Variants in PLXNA4 observed in about 807,000 individuals in gnomAD.
PLXNA4 encodes plexin-A4.
In PLXNA4, 44 loss-of-function variants were observed where a neutral mutation model predicts 191.8. That is an observed-to-expected ratio of 0.23 (90% CI 0.18 to 0.29). The LOEUF (loss-of-function observed/expected upper bound fraction) is 0.29, where lower values mean the gene tolerates loss of function less well. PLXNA4 is among the 10% of genes least tolerant of loss of function. The probability of loss-of-function intolerance (pLI) is 1.00; values close to 1 mark genes in which losing one functional copy is unlikely to be tolerated. For synonymous variants in PLXNA4, 1,082 were observed against 1,009.5 expected, an observed-to-expected ratio of 1.07 and a Z score of -1.36; for missense variants, 1,800 against 2,488.8, an observed-to-expected ratio of 0.72 and a Z score of 5.89.
chr7:132,225,623 C>CA (rs386411341), intron 8 of PLXNA4, among the ~76,000 whole-genome samples: 10 of 151,346 alleles, frequency 6.6e-5, no homozygotes, highest in South Asian at 2.1e-4. Context: ...TCCGCCCCCC[C>CA]CCACAGCTTT....
chr7:132,633,686 T>C (rs892374194), intron 2 of PLXNA4, among the ~76,000 whole-genome samples: 16 of 152,146 alleles, frequency 1.1e-4, no homozygotes, highest in African/African-American at 3.9e-4. Flanking sequence ...CCTGACCATT[T>C]TATCTCCAAA....
intron 25 of PLXNA4, among the ~76,000 whole-genome samples, chr7:132,156,464 G>A (rs1244932461): frequency 1.3e-5 from 2 of 152,208 alleles, no homozygotes; most frequent in Non-Finnish European, 2.9e-5. Context: ...ACGGGGTGGT[G>A]CAAAATGTCT....
rs1211432818 is a variant in PLXNA4, at chr7:132,508,418, G to A, written c.276C>T (p.Asn92=). ...VTHETGPDED[N]PKCYPPRIVQ... The stretch of plus-strand genomic sequence containing the variant: ...CGATGCGGGGTGGGTAACACTTGGG[G>A]TTGTCCTCGTCCGGCCCTGTCTCAT... The change falls in exon 2 of 32, where the codon AAC becomes AAT. Residue 92 remains asparagine, a synonymous_variant. Coordinates refer to ENST00000321063, the MANE Select transcript of PLXNA4 (RefSeq NM_020911.2). The surrounding 1 kb of genome is among the most constrained non-coding windows in gnomAD (Gnocchi z 4.4). 6.2e-7 allele frequency: 1 copy of A among 1,614,058 alleles called. No individual in the cohort carries two copies. The highest frequency in any genetic ancestry group is 8.5e-7 in the Non-Finnish European group (1 of 1,180,052).
At chr7:132,330,071 C>T (rs1802531885) in intron 3 of PLXNA4, among the ~76,000 whole-genome samples, 3 of 152,136 alleles carry the variant, frequency 2.0e-5, no homozygotes, top group Admixed American at 2.0e-4. Flanking sequence ...GGGAGGAGCA[C>T]AGGGCAGATT....
At chr7:132,496,516 C>T (rs977380977) in intron 2 of PLXNA4, among the ~76,000 whole-genome samples, 1 of 152,168 alleles carries the variant, frequency 6.6e-6, no homozygotes, top group South Asian at 2.1e-4. Context: ...ATTCTCCTGC[C>T]TCAGCCTCTT....
intron 1 of PLXNA4, among the ~76,000 whole-genome samples, chr7:132,562,922 C>T (rs1301139521): frequency 8.8e-6 from 1 of 113,250 alleles, no homozygotes; most frequent in Non-Finnish European, 1.8e-5. Flanking sequence ...TCTTCCTCCT[C>T]CTCCTCTCCC....
At chr7:132,594,941 AG>A (rs201181649) in intron 2 of PLXNA4, among the ~76,000 whole-genome samples, 27 of 148,734 alleles carry the variant, frequency 1.8e-4, no homozygotes, top group Non-Finnish European at 2.7e-4. Flanking sequence ...ATAGATAGAT[AG>A]ATAGATAGAT....
At chr7:132,310,050 A>G (rs1173588459) in intron 3 of PLXNA4, among the ~76,000 whole-genome samples, 1 of 152,174 alleles carries the variant, frequency 6.6e-6, no homozygotes, top group Non-Finnish European at 1.5e-5. Flanking sequence ...AGGGCAGGTC[A>G]GTGGTGTAGA....
chr7:132,398,409 G>A (rs898352723), intron 3 of PLXNA4, among the ~76,000 whole-genome samples: 3 of 152,138 alleles, frequency 2.0e-5, no homozygotes, highest in African/African-American at 4.8e-5. Context: ...TATTCGTGTC[G>A]CAACAAGGAA....
chr7:132,457,218 G>GC (rs1297326191), intron 3 of PLXNA4, among the ~76,000 whole-genome samples: 1 of 152,104 alleles, frequency 6.6e-6, no homozygotes, highest in African/African-American at 2.4e-5. Flanking sequence ...CCAAACTGTA[G>GC]CCTTATATTT....
chr7:132,512,279 G>A (rs1798749885), intron 1 of PLXNA4, among the ~76,000 whole-genome samples: 1 of 152,204 alleles, frequency 6.6e-6, no homozygotes, highest in Non-Finnish European at 1.5e-5. Context: ...CTGCCTTACT[G>A]TACATACACA....
chr7:132,553,657 G>A (rs1018153396), intron 1 of PLXNA4, among the ~76,000 whole-genome samples: 2 of 152,180 alleles, frequency 1.3e-5, no homozygotes, highest in African/African-American at 2.4e-5. Context: ...TTTGGGTCAA[G>A]CATCATGCTT....
intron 3 of PLXNA4, among the ~76,000 whole-genome samples, chr7:132,347,010 T>C (rs1449852811): frequency 6.6e-6 from 1 of 152,232 alleles, no homozygotes; most frequent in East Asian, 1.9e-4. Flanking sequence ...TTGGCAAAGA[T>C]GATAAAATAT....
intron 27 of PLXNA4, 95 bp from the exon 28 acceptor site, chr7:132,146,795 A>C: frequency 6.4e-7 from 1 of 1,554,330 alleles, no homozygotes; most frequent in Admixed American, 1.8e-5. Flanking sequence ...GAAGCCAACG[A>C]CTGTCTGATC....
intron 25 of PLXNA4, among the ~76,000 whole-genome samples, chr7:132,154,633 G>C (rs1421060448): frequency 6.6e-6 from 1 of 152,206 alleles, no homozygotes; most frequent in East Asian, 1.9e-4. Flanking sequence ...AGACAAGCTA[G>C]AACTTAGTAG....
At chr7:132,311,202 G>GC (rs1554411105) in intron 3 of PLXNA4, among the ~76,000 whole-genome samples, 3 of 151,060 alleles carry the variant, frequency 2.0e-5, no homozygotes, top group Admixed American at 1.3e-4. Flanking sequence ...GTGCGCGTGT[G>GC]GCCTAAAGGA....
intron 2 of PLXNA4, among the ~76,000 whole-genome samples, chr7:132,637,525 A>C (rs139815270): frequency 6.6e-6 from 1 of 152,314 alleles, no homozygotes; most frequent in East Asian, 1.9e-4. Context: ...AATATTAGCA[A>C]AGATGCCCCC....
chr7:132,505,473 G>T (rs1306579600), intron 2 of PLXNA4, among the ~76,000 whole-genome samples: 1 of 131,722 alleles, frequency 7.6e-6, no homozygotes, highest in Non-Finnish European at 1.8e-5. Flanking sequence ...GGTCTCAAAA[G>T]AACTTGTTGT....
At chr7:132,643,392 A>G (rs1020419226) in intron 2 of PLXNA4, among the ~76,000 whole-genome samples, 1 of 152,028 alleles carries the variant, frequency 6.6e-6, no homozygotes, top group Non-Finnish European at 1.5e-5. Context: ...TCCAGCCGCC[A>G]GGTGTGCTGA....
Sources: gnomAD v4.1 joint callset for allele counts (sites outside exome capture counted in the v4.1 genomes callset) on GRCh38, gnomAD v4.1.1 for gene constraint, Gnocchi (gnomAD v3.1) non-coding constraint, MANE v1.5 for transcripts, NCBI Gene and HGNC (gene_info 2026-07-23, HGNC 2026-07-21) for gene names.